PCDHA11: variants seen among roughly 807,000 people sequenced by gnomAD.
PCDHA11 encodes protocadherin alpha 11.
A neutral mutation model predicts 70.3 loss-of-function variants in PCDHA11; 61 were observed. The observed-to-expected ratio is 0.87, with a 90% CI of 0.71 to 1.07. PCDHA11 has a LOEUF of 1.07. PCDHA11 is among the 50% of genes least tolerant of loss of function. The pLI is 0.00. For missense variants in PCDHA11, 1,324 were observed against 1,237.5 expected (o/e 1.07, Z -1.05); for synonymous variants, 633 against 555.1 (o/e 1.14, Z -1.97).
At chr5:140,874,890 C>A (rs150583747) in intron 1 of PCDHA11, among the ~76,000 whole-genome samples, 2 of 152,276 alleles carry the variant, frequency 1.3e-5, no homozygotes, top group Admixed American at 1.3e-4. Context: ...TCCTAACTTT[C>A]TCTAAAATCT....
chr5:140,932,346 A>G lies in PCDHA11; in HGVS notation c.2392-46603A>G, dbSNP rs529573484. 2.6e-5 allele frequency among the ~76,000 whole-genome samples: 4 copies of G among 152,072 alleles called. No homozygotes were observed. In the South Asian group the frequency reaches 6.2e-4, roughly 24 times the overall value. ...AGCAAAAATGCATGAAACACTTACCATACAACTGGCCTTATTAAATTTCCA... is the reference window on the plus strand; with the variant it reads ...AGCAAAAATGCATGAAACACTTACCGTACAACTGGCCTTATTAAATTTCCA... On this transcript the variant is annotated intron_variant, in intron 1 of 3. Coordinates refer to ENST00000398640, the MANE Select transcript of PCDHA11 (RefSeq NM_018902.5).
intron 1 of PCDHA11, among the ~76,000 whole-genome samples, chr5:140,941,214 C>CCTTCTTTCTTTCTTT (rs1554214040): frequency 8.2e-6 from 1 of 122,414 alleles, no homozygotes; most frequent in Non-Finnish European, 1.7e-5. Context: ...TTTCTTTCTT[C>CCTTCTTTCTTTCTTT]CTTTCTTTCT....
At chr5:140,923,112 T>C (rs1159250649) in intron 1 of PCDHA11, among the ~76,000 whole-genome samples, 2 of 152,144 alleles carry the variant, frequency 1.3e-5, no homozygotes, top group Non-Finnish European at 2.9e-5. Flanking sequence ...TGATTTTAAG[T>C]TTTTAGGGTC....
chr5:140,970,872 T>C (rs2096439604), intron 1 of PCDHA11, among the ~76,000 whole-genome samples: 3 of 152,158 alleles, frequency 2.0e-5, no homozygotes, highest in African/African-American at 7.2e-5. Flanking sequence ...TGATTGAGAG[T>C]AGATTTTTCT....
At chr5:140,888,843 G>T (rs2153425504) in intron 1 of PCDHA11, among the ~76,000 whole-genome samples, 1 of 152,082 alleles carries the variant, frequency 6.6e-6, no homozygotes, top group East Asian at 1.9e-4. Context: ...ACTGCAGCCT[G>T]GTGACAGAGT....
chr5:140,883,445 G>A, intron 1 of PCDHA11: 1 of 1,614,164 alleles, frequency 6.2e-7, no homozygotes, highest in South Asian at 1.1e-5. Flanking sequence ...GACGCCGCAT[G>A]TCCCCTTCAA....
intron 3 of PCDHA11, among the ~76,000 whole-genome samples, chr5:141,005,658 C>T (rs1014602554): frequency 6.9e-4 from 96 of 138,640 alleles, no homozygotes; most frequent in African/African-American, 2.4e-3. Flanking sequence ...GTCGAGATCG[C>T]GCCACTGCAC....
At chr5:140,963,911 T>C (rs2095797811) in intron 1 of PCDHA11, among the ~76,000 whole-genome samples, 1 of 152,238 alleles carries the variant, frequency 6.6e-6, no homozygotes, top group African/African-American at 2.4e-5. Context: ...AAGTGAAGCT[T>C]AGGCTAAGTA....
intron 1 of PCDHA11, among the ~76,000 whole-genome samples, chr5:140,891,445 G>T (rs1036846382): frequency 6.7e-6 from 1 of 148,520 alleles, no homozygotes; most frequent in Non-Finnish European, 1.5e-5. Context: ...CCATTGTATA[G>T]GATTTTTGAA....
chr5:140,997,375 G>A (rs983164883), intron 3 of PCDHA11, among the ~76,000 whole-genome samples: 1 of 152,066 alleles, frequency 6.6e-6, no homozygotes, highest in Non-Finnish European at 1.5e-5. Flanking sequence ...AGATGATATA[G>A]CATACTACAC....
rs527281567 is a variant in PCDHA11 at position 140,992,060 on chromosome 5, A to T, written c.2539+9497A>T. Among the ~76,000 whole-genome samples the T allele has an allele frequency of 3.3e-3, 484 of 147,642 alleles. 5 individuals are homozygous for T. Among genetic ancestry groups the T allele is most frequent in the South Asian group, 0.015 (69 of 4,700 alleles). On this transcript the variant is annotated intron_variant, in intron 3 of 3. Transcript: ENST00000398640. The stretch of plus-strand genomic sequence containing the variant: ...GTGTGTGTGTGTGTGTGTGTAAGTT[A>T]ATTTCAGTAGAGAATGAGCTAGAGT...
In PCDHA11 at chr5:140,883,587, G is replaced by C. The variant is rs1554178846; in HGVS notation, c.2391+12093G>C. ...TCGCCTTCGCTGTGGGCCACGGCCA[G>C]CGTGTCGGTGGGGGTGGCCGACGTG... On this transcript the variant is annotated intron_variant, in intron 1 of 3. Coordinates refer to ENST00000398640, the MANE Select transcript of PCDHA11 (RefSeq NM_018902.5). 6.2e-7 allele frequency: 1 copy of C among 1,614,030 alleles called. No individual in the cohort carries two copies. Among genetic ancestry groups the C allele is most frequent in the Non-Finnish European group, 8.5e-7 (1 of 1,179,946 alleles).
At chr5:140,975,963 A>G (rs2096691903) in intron 1 of PCDHA11, among the ~76,000 whole-genome samples, 1 of 152,186 alleles carries the variant, frequency 6.6e-6, no homozygotes, top group Non-Finnish European at 1.5e-5. Flanking sequence ...TTCTTCACCA[A>G]TAGAAAGTAA....
chr5:140,875,517 G>A (rs2055556431), intron 1 of PCDHA11: 7 of 1,614,024 alleles, frequency 4.3e-6, no homozygotes, highest in Non-Finnish European at 5.9e-6. Flanking sequence ...AGCGTCTGCT[G>A]CTCTCGCTTC....
rs370490786 is a variant in PCDHA11, at chr5:140,870,771, C to A, written c.1668C>A (p.Asp556Glu). The change falls in exon 1 of 4, where the codon GAC becomes GAA. Residue 556 changes from aspartate to glutamate, a missense_variant. Asp to Glu is a conservative substitution (Grantham distance 45). Coordinates refer to ENST00000398640, the MANE Select transcript of PCDHA11 (RefSeq NM_018902.5). Reference sequence around the variant, plus strand: ...TGACGCTGCAGGTGTTCGTGCTGGACGAGAACGACAACGCGCCGGCACTGC... The same window carrying A: ...TGACGCTGCAGGTGTTCGTGCTGGAAGAGAACGACAACGCGCCGGCACTGC... Reference protein sequence around the residue: ...SNVTLQVFVLDENDNAPALLA... With the variant: ...SNVTLQVFVLEENDNAPALLA... The A allele has an allele frequency of 6.2e-7, 1 of 1,613,466 alleles. No individual in the cohort carries two copies. The highest frequency in any genetic ancestry group is 8.5e-7 in the Non-Finnish European group (1 of 1,179,902).
intron 3 of PCDHA11, among the ~76,000 whole-genome samples, chr5:140,988,678 T>G (rs190740461): frequency 6.6e-6 from 1 of 152,314 alleles, no homozygotes. Context: ...CTAAGATAAT[T>G]CTTTCCCTAG....
At chr5:140,986,828 G>C (rs1001117075) in intron 3 of PCDHA11, among the ~76,000 whole-genome samples, 2 of 152,146 alleles carry the variant, frequency 1.3e-5, no homozygotes, top group African/African-American at 2.4e-5. Flanking sequence ...TTTAGACAAT[G>C]GTTCTCAAAG....
chr5:140,890,594 T>A (rs1439050160), intron 1 of PCDHA11, among the ~76,000 whole-genome samples: 1 of 152,150 alleles, frequency 6.6e-6, no homozygotes, highest in East Asian at 1.9e-4. Context: ...GAAGCCCTTT[T>A]CCGAATAGCT....
chr5:141,005,659 G>A (rs963015988), intron 3 of PCDHA11, among the ~76,000 whole-genome samples: 2 of 123,926 alleles, frequency 1.6e-5, no homozygotes, highest in South Asian at 2.6e-4. Flanking sequence ...TCGAGATCGC[G>A]CCACTGCACT....
Sources: gnomAD v4.1 joint callset for allele counts (sites outside exome capture counted in the v4.1 genomes callset) on GRCh38, gnomAD v4.1.1 for gene constraint, MANE v1.5 for transcripts, NCBI Gene and HGNC (gene_info 2026-07-23, HGNC 2026-07-21) for gene names.